Variants in BACH2 observed in about 807,000 individuals in gnomAD.
The protein encoded by BACH2 is BACH transcriptional regulator 2.
A neutral mutation model predicts 61.8 loss-of-function variants in BACH2; 5 were observed. That is an observed-to-expected ratio of 0.08 (90% CI 0.04 to 0.17). BACH2 has a LOEUF of 0.17. Among genes scored for constraint, BACH2 ranks in the 10% least tolerant of loss-of-function variants. BACH2 has a pLI of 1.00. For synonymous variants in BACH2, 446 were observed against 440.1 expected (o/e 1.01, Z -0.17); for missense variants, 824 against 1,091.1 (o/e 0.76, Z 3.45).
chr6:90,114,776 C>T (rs757149904), intron 4 of BACH2, among the ~76,000 whole-genome samples: 1 of 152,144 alleles, frequency 6.6e-6, no homozygotes, highest in Non-Finnish European at 1.5e-5. Context: ...CCTATAGTCT[C>T]GGCCCAAAAG....
At chr6:90,243,288 C>T (rs543528891) in intron 3 of BACH2, among the ~76,000 whole-genome samples, 3 of 152,152 alleles carry the variant, frequency 2.0e-5, no homozygotes, top group South Asian at 2.1e-4. Context: ...AAAGGTTATG[C>T]AATTCTTAAG....
chr6:90,236,439 G>T (rs1396422487), intron 3 of BACH2, among the ~76,000 whole-genome samples: 2 of 152,216 alleles, frequency 1.3e-5, no homozygotes, highest in Non-Finnish European at 2.9e-5. Context: ...CCAGGGCACA[G>T]AAAGAGTAGA....
chr6:90,107,813 G>T (rs1427392247), intron 4 of BACH2, among the ~76,000 whole-genome samples: 2 of 151,998 alleles, frequency 1.3e-5, no homozygotes, highest in African/African-American at 4.8e-5. Context: ...AGGAGCACAT[G>T]AAAGAGAACT....
At chr6:90,175,077 C>T (rs959417509) in intron 4 of BACH2, among the ~76,000 whole-genome samples, 1 of 151,926 alleles carries the variant, frequency 6.6e-6, no homozygotes, top group African/African-American at 2.4e-5. Flanking sequence ...TTTATTTAAT[C>T]CTTTAAAGTG....
chr6:90,243,624 C>T (rs1306373179), intron 3 of BACH2, among the ~76,000 whole-genome samples: 1 of 152,202 alleles, frequency 6.6e-6, no homozygotes, highest in Non-Finnish European at 1.5e-5. Flanking sequence ...CCTAATATTA[C>T]AGAGTAATTA....
At chr6:90,043,721 C>T (rs764863096) in intron 5 of BACH2, among the ~76,000 whole-genome samples, 22 of 152,322 alleles carry the variant, frequency 1.4e-4, no homozygotes, top group Non-Finnish European at 2.8e-4. Flanking sequence ...GTCCTGCCTA[C>T]TCTTCTCTGT....
intron 5 of BACH2, among the ~76,000 whole-genome samples, chr6:90,058,786 A>G (rs1468188396): frequency 6.6e-6 from 1 of 152,248 alleles, no homozygotes; most frequent in Non-Finnish European, 1.5e-5. Flanking sequence ...ATATAGATCA[A>G]TGGAACAGAA....
chr6:90,190,471 A>C (rs1325015859), intron 4 of BACH2, among the ~76,000 whole-genome samples: 1 of 152,206 alleles, frequency 6.6e-6, no homozygotes, highest in African/African-American at 2.4e-5. Context: ...ATTCCAGAAC[A>C]CTTATCTTAC....
intron 6 of BACH2, among the ~76,000 whole-genome samples, chr6:90,006,790 A>T (rs553335846): frequency 6.6e-5 from 10 of 151,678 alleles, no homozygotes; most frequent in Non-Finnish European, 1.0e-4. Flanking sequence ...CTAATTTTTA[A>T]ATCTTTTGTA....
intron 4 of BACH2, among the ~76,000 whole-genome samples, chr6:90,181,343 G>A (rs1768155757): frequency 6.6e-6 from 1 of 151,974 alleles, no homozygotes; most frequent in Admixed American, 6.6e-5. Flanking sequence ...GTGTGTGTGT[G>A]TGTGTGTGTA....
chr6:90,027,141 A>G (rs956353532), intron 5 of BACH2, among the ~76,000 whole-genome samples: 6 of 152,176 alleles, frequency 3.9e-5, no homozygotes, highest in African/African-American at 9.7e-5. Context: ...TCAAGTAACA[A>G]AAGCATCTGG....
chr6:90,117,716 G>A (rs1783461558), intron 4 of BACH2, among the ~76,000 whole-genome samples: 1 of 152,072 alleles, frequency 6.6e-6, no homozygotes, highest in Admixed American at 6.6e-5. Flanking sequence ...GACAAAACAG[G>A]TAATTCTAGA....
intron 6 of BACH2, among the ~76,000 whole-genome samples, chr6:89,967,651 ATCG>A (rs1775115901): frequency 6.6e-6 from 1 of 152,220 alleles, no homozygotes; most frequent in Admixed American, 6.5e-5. Context: ...TCTGGATGGC[ATCG>A]TCATTTCTTT....
chr6:90,190,696 C>T (rs184467515), intron 4 of BACH2, among the ~76,000 whole-genome samples: 6 of 152,334 alleles, frequency 3.9e-5, no homozygotes, highest in Admixed American at 2.6e-4. Flanking sequence ...AGCCCCTTGG[C>T]GAATCTGATG....
At chr6:90,037,858 A>G (rs1779337220) in intron 5 of BACH2, among the ~76,000 whole-genome samples, 1 of 152,228 alleles carries the variant, frequency 6.6e-6, no homozygotes, top group South Asian at 2.1e-4. Flanking sequence ...AATGAACTCC[A>G]TATGGAGACA....
intron 2 of BACH2, among the ~76,000 whole-genome samples, chr6:90,262,765 C>T (rs959593866): frequency 1.3e-5 from 2 of 152,122 alleles, no homozygotes; most frequent in African/African-American, 2.4e-5. Flanking sequence ...AAATGGTCTA[C>T]GTAAGACAGC....
intron 2 of BACH2, among the ~76,000 whole-genome samples, chr6:90,266,141 T>A (rs116434324): frequency 6.6e-6 from 1 of 152,168 alleles, no homozygotes; most frequent in African/African-American, 2.4e-5. Flanking sequence ...GGAATAGCCA[T>A]GAATGTTCCT....
chr6:90,209,451 A>C (rs1352822519), intron 3 of BACH2, among the ~76,000 whole-genome samples: 1 of 152,206 alleles, frequency 6.6e-6, no homozygotes, highest in African/African-American at 2.4e-5. Context: ...GTGCTAATAA[A>C]TTTCTTAGTT....
chr6:90,056,980 G>C (rs527850470), intron 5 of BACH2, among the ~76,000 whole-genome samples: 74 of 152,316 alleles, frequency 4.9e-4, no homozygotes, highest in African/African-American at 1.6e-3. Flanking sequence ...GCAGTGTGTA[G>C]AGGGAAATTT....
Sources: gnomAD v4.1 joint callset for allele counts (sites outside exome capture counted in the v4.1 genomes callset) on GRCh38, gnomAD v4.1.1 for gene constraint, MANE v1.5 for transcripts, NCBI Gene and HGNC (gene_info 2026-07-23, HGNC 2026-07-21) for gene names.